The following CERT1 variants were observed in gnomAD, a reference collection of about 807,000 sequenced individuals.
CERT1 encodes the protein ceramide transporter 1, also known as ceramide transfer protein.
CERT1 carries 31 observed loss-of-function variants against 87.9 expected under a neutral mutation model. That is an observed-to-expected ratio of 0.35 (90% CI 0.27 to 0.48). The LOEUF is 0.48. Among genes scored for constraint, CERT1 ranks in the 20% least tolerant of loss-of-function variants. The pLI is 0.99. For missense variants in CERT1, 487 were observed against 758.0 expected (o/e 0.64, Z 4.20); for synonymous variants, 289 against 250.9 (o/e 1.15, Z -1.44).
chr5:75,416,267 C>G (rs577913046), intron 7 of CERT1, among the ~76,000 whole-genome samples: 32 of 152,256 alleles, frequency 2.1e-4, no homozygotes, highest in African/African-American at 7.2e-4. Context: ...TGTTTCAACT[C>G]TAACATTTTA....
intron 9 of CERT1, chr5:75,402,451 G>A (rs1762532397): frequency 6.6e-6 from 1 of 152,008 alleles, no homozygotes; most frequent in African/African-American, 2.4e-5. Context: ...AACAATTATT[G>A]GTTTTCTTTC....
At chr5:75,401,973 G>T (rs1367648230) in intron 9 of CERT1, 1 of 152,166 alleles carries the variant, frequency 6.6e-6, no homozygotes, top group African/African-American at 2.4e-5. Context: ...GCTTAAACAA[G>T]GGGAGGAAAT....
chr5:75,445,165 A>G (rs1450727600), intron 3 of CERT1, among the ~76,000 whole-genome samples: 2 of 152,234 alleles, frequency 1.3e-5, no homozygotes, highest in Non-Finnish European at 2.9e-5. Context: ...CAGTTACAAT[A>G]CTATTAGCTT....
chr5:75,405,218 T>TC, intron 8 of CERT1, among the ~76,000 whole-genome samples: 1 of 152,144 alleles, frequency 6.6e-6, no homozygotes, highest in East Asian at 1.9e-4. Context: ...GAATAGCATT[T>TC]CTTATGTTAA....
At chr5:75,411,163 CT>C in intron 7 of CERT1, 60 bp from the exon 8 acceptor site, 1 of 901,018 alleles carries the variant, frequency 1.1e-6, no homozygotes, top group Non-Finnish European at 1.7e-6. Context: ...ACAATGAAGT[CT>C]TTTAGGTGGA....
chr5:75,437,732 C>G (rs1764154088), intron 3 of CERT1, among the ~76,000 whole-genome samples: 1 of 146,890 alleles, frequency 6.8e-6, no homozygotes, highest in Non-Finnish European at 1.5e-5. Context: ...TACCACTGCA[C>G]TCCAGCCTGG....
chr5:75,369,880 G>A (rs1212259129), intron 17 of CERT1: 1 of 152,228 alleles, frequency 6.6e-6, no homozygotes, highest in Non-Finnish European at 1.5e-5. Context: ...GTATACAGAT[G>A]TGGAACGTTC....
chr5:75,408,328 G>A (rs1044542501), intron 8 of CERT1, among the ~76,000 whole-genome samples: 1 of 152,136 alleles, frequency 6.6e-6, no homozygotes, highest in Non-Finnish European at 1.5e-5. Context: ...ACACTTACAG[G>A]TAGACATATA....
chr5:75,487,294 C>T (rs1561297519), intron 2 of CERT1, among the ~76,000 whole-genome samples: 1 of 152,062 alleles, frequency 6.6e-6, no homozygotes, highest in Non-Finnish European at 1.5e-5. Flanking sequence ...AAGAATGAAA[C>T]TAGACCCCTA....
At chr5:75,433,552 G>A (rs540447357) in intron 3 of CERT1, among the ~76,000 whole-genome samples, 233 of 152,200 alleles carry the variant, frequency 1.5e-3, no homozygotes, top group African/African-American at 4.5e-3. Context: ...ATAGGGTCTC[G>A]TGCTGTCACC....
intron 14 of CERT1, 36 bp downstream of exon 14, chr5:75,384,606 T>G (rs377098641): frequency 2.1e-6 from 3 of 1,454,352 alleles, no homozygotes; most frequent in Non-Finnish European, 2.9e-6. Flanking sequence ...TTGAACTACA[T>G]TGAAATCCTT....
At chr5:75,443,624 T>A (rs1181410416) in intron 3 of CERT1, among the ~76,000 whole-genome samples, 2 of 152,214 alleles carry the variant, frequency 1.3e-5, no homozygotes, top group Admixed American at 1.3e-4. Flanking sequence ...CCATGTGTAC[T>A]TGAGAAAAAT....
chr5:75,384,648 T>C lies in CERT1; in HGVS notation c.1482A>G (p.Thr494=), dbSNP rs1056140172. 1.9e-6 allele frequency: 3 copies of C among 1,599,884 alleles called. No individual in the cohort carries two copies. In the African/African-American group the frequency reaches 4.0e-5, roughly 21 times the overall value. Reference sequence around the variant, plus strand: ...TGAATGAAGAGATCTTTACCTTGTGTGTTTGATAAATGATGATTGCATTAT... The same window carrying C: ...TGAATGAAGAGATCTTTACCTTGTGCGTTTGATAAATGATGATTGCATTAT... ...LADNAIIIYQ[T]HKRVWPASQR... is the part of the protein sequence containing the mutation. Residue 494 remains threonine (T), a synonymous_variant, in exon 14 of 17, where the codon ACA becomes ACG. Coordinates refer to ENST00000643780, the MANE Select transcript of CERT1 (RefSeq NM_001379029.1).
At chr5:75,474,931 T>C (rs955930866) in intron 2 of CERT1, among the ~76,000 whole-genome samples, 1 of 151,260 alleles carries the variant, frequency 6.6e-6, no homozygotes, top group Admixed American at 6.6e-5. Flanking sequence ...GGGAGTCTAA[T>C]AGACTACATG....
At chr5:75,509,290 A>G (rs1032950217) in intron 1 of CERT1, among the ~76,000 whole-genome samples, 3 of 152,182 alleles carry the variant, frequency 2.0e-5, no homozygotes, top group Admixed American at 1.3e-4. Flanking sequence ...TTCAAACTAT[A>G]TAATTTACAT....
At position 75,496,184 on chromosome 5, in the gene CERT1, G is replaced by A. The variant is rs72768360; in HGVS notation, c.231+9798C>T. Among the ~76,000 whole-genome samples, 457 of 150,848 alleles carry A rather than the reference G, an allele frequency of 3.0e-3. 2 individuals carry two copies. The highest frequency in any genetic ancestry group is 4.5e-3 in the Non-Finnish European group (308 of 67,826). On this transcript the variant is annotated intron_variant, in intron 2 of 16. Coordinates refer to ENST00000643780, the MANE Select transcript of CERT1 (RefSeq NM_001379029.1). ...TTAAACAAACATCACAAGAGATACA[G>A]ATAAGCAAATGAAAAGATGTGCAAC...
At chr5:75,413,997 G>A (rs1763036231) in intron 7 of CERT1, among the ~76,000 whole-genome samples, 1 of 151,844 alleles carries the variant, frequency 6.6e-6, no homozygotes, top group African/African-American at 2.4e-5. Context: ...TCCACCAACA[G>A]GAAAATAGAT....
At chr5:75,469,429 G>A (rs1416381658) in intron 2 of CERT1, among the ~76,000 whole-genome samples, 2 of 152,106 alleles carry the variant, frequency 1.3e-5, no homozygotes, top group East Asian at 3.8e-4. Flanking sequence ...TGCAAACCTG[G>A]ATTCAAAATT....
At chr5:75,456,623 G>A (rs1362142183) in intron 3 of CERT1, among the ~76,000 whole-genome samples, 5 of 128,870 alleles carry the variant, frequency 3.9e-5, no homozygotes, top group Admixed American at 2.6e-4. Context: ...GAAGTGAGCC[G>A]AGATCACACT....
Sources: allele counts gnomAD v4.1 joint callset (sites outside exome capture counted in the v4.1 genomes callset), GRCh38; gene constraint gnomAD v4.1.1; transcripts MANE v1.5; gene names NCBI Gene and HGNC (gene_info 2026-07-23, HGNC 2026-07-21).